SUGP2: variants seen among roughly 807,000 people sequenced by gnomAD.
SUGP2 encodes the protein SURP and G-patch domain containing 2.
In SUGP2, 24 loss-of-function variants were observed where a neutral mutation model predicts 90.5. That is an observed-to-expected ratio of 0.27 (90% CI 0.19 to 0.37). SUGP2 has a LOEUF of 0.37. SUGP2 is among the 10% of genes least tolerant of loss of function. The pLI, the probability that SUGP2 is intolerant of heterozygous loss-of-function variation, is 1.00. For missense variants in SUGP2, 1,233 were observed against 1,363.3 expected, an observed-to-expected ratio of 0.90 and a Z score of 1.51; for synonymous variants, 473 against 513.4, an observed-to-expected ratio of 0.92 and a Z score of 1.06.
In SUGP2 at chr19:18,997,363, T is replaced by G. The variant is rs1196860660; in HGVS notation, c.2992-2083A>C. On this transcript the variant is annotated intron_variant, in intron 8 of 10. Transcript: ENST00000452918. ...AGGGAGGGAGGGAGGAGAGAGCAAGTGCTCCCATAAGGAAGGCCTGGGCCT... is the reference window on the plus strand; with the variant it reads ...AGGGAGGGAGGGAGGAGAGAGCAAGGGCTCCCATAAGGAAGGCCTGGGCCT... Among the ~76,000 whole-genome samples the G allele has an allele frequency of 2.0e-5, 3 of 152,048 alleles. No homozygotes were observed. In the East Asian group the frequency reaches 5.8e-4, roughly 29 times the overall value.
chr19:19,005,839 T>C (rs1189464636), intron 6 of SUGP2, among the ~76,000 whole-genome samples: 1 of 76,090 alleles, frequency 1.3e-5, no homozygotes, highest in Non-Finnish European at 2.4e-5. Flanking sequence ...TATACCAGGC[T>C]AACAAACACA....
intron 4 of SUGP2, 143 bp from the exon 5 acceptor site, chr19:19,010,485 G>T (rs1395760701): frequency 8.4e-7 from 1 of 1,183,930 alleles, no homozygotes; most frequent in African/African-American, 1.5e-5. Flanking sequence ...CTCTACTGAG[G>T]ACCCAGAGCT....
intron 3 of SUGP2, among the ~76,000 whole-genome samples, chr19:19,021,261 T>C (rs1295734375): frequency 6.6e-6 from 1 of 152,106 alleles, no homozygotes; most frequent in South Asian, 2.1e-4. Context: ...GTTTGTTCTG[T>C]AAATGATTGC....
At position 19,002,315 on chromosome 19, in the gene SUGP2, G is replaced by A. The variant is rs201314360; in HGVS notation, c.2930-641C>T. On this transcript the variant is annotated intron_variant, in intron 7 of 10. Transcript: ENST00000452918. The stretch of plus-strand genomic sequence containing the variant: ...GAATAACTTGAACCCGGGAGGCAGA[G>A]GTTGTAGTGAGCCGAGATTGTGCCA... Among the ~76,000 whole-genome samples the A allele has an allele frequency of 3.3e-5, 5 of 151,838 alleles. No individual in the cohort carries two copies. In the East Asian group the frequency reaches 9.8e-4, roughly 30 times the overall value.
chr19:19,033,496 C>A lies in SUGP2; in HGVS notation c.-71G>T. 3 of 1,408,048 alleles carry A rather than the reference C, an allele frequency of 2.1e-6. No individual in the cohort carries two copies. The highest frequency in any genetic ancestry group is 3.4e-5 in the East Asian group (1 of 29,338). The allele number at this position is 1,408,048 out of a possible 1,614,324, so 87.2% of individuals were successfully genotyped here. A position where few individuals can be genotyped will look rare whatever the true frequency, so the allele number is the denominator to read the frequency against. On this transcript the variant is annotated 5_prime_UTR_variant, in exon 1 of 11. Transcript: ENST00000452918. ...CCGCCTCAGGCTCCTCACCCGCCGC[C>A]GCCGCCGCGCGAGGCGGGGACATGC...
chr19:19,032,155 TC>T (rs552099989), intron 1 of SUGP2, among the ~76,000 whole-genome samples: 716 of 69,170 alleles, frequency 0.01, 4 homozygotes, highest in South Asian at 0.017. Context: ...AAGAGATCAA[TC>T]TTTTTTTTTT....
Position 19,024,890 on chromosome 19 carries a change from T to C in SUGP2, c.1458A>G (p.Thr486=), listed in dbSNP as rs781603293. The change falls in exon 3 of 11, where the codon ACA becomes ACG. Residue 486 remains threonine, a synonymous_variant. Transcript: ENST00000452918. ...CRKSLALLGQ[T]FSLASSFRQE... ...GCCGGAAAGAAGAGGCCAAGGAAAA[T>C]GTCTGTCCCAAAAGGGCCAAAGACT... The C allele has an allele frequency of 3.1e-6, 5 of 1,614,140 alleles. No homozygotes were observed. The highest frequency in any genetic ancestry group is 3.3e-5 in the Admixed American group (2 of 60,014).
chr19:19,022,794 G>T (rs1253280043), intron 3 of SUGP2, among the ~76,000 whole-genome samples: 2 of 152,154 alleles, frequency 1.3e-5, no homozygotes, highest in African/African-American at 2.4e-5. Context: ...ACCTGTATGT[G>T]GTGGGACCTA....
At position 19,009,953 on chromosome 19, in the gene SUGP2, TGAG is replaced by T. The variant is rs767935544; in HGVS notation, c.2237_2239del (p.Pro746del). On this transcript the variant is annotated inframe_deletion, in exon 5 of 11. Coordinates refer to ENST00000452918, the MANE Select transcript of SUGP2 (RefSeq NM_001017392.5). Reference sequence around the variant, plus strand: ...GCCTGAGGCTTCTAAGCTGGGGTCCTGAGGAGAAGGTCCAACTGGGTCTGGCGG... The same window carrying T: ...GCCTGAGGCTTCTAAGCTGGGGTCCTGAGAAGGTCCAACTGGGTCTGGCGG... The T allele has an allele frequency of 6.8e-6, 11 of 1,614,046 alleles. No homozygotes were observed. The highest frequency in any genetic ancestry group is 4.4e-5 in the South Asian group (4 of 91,086).
intron 4 of SUGP2, among the ~76,000 whole-genome samples, chr19:19,013,595 T>A (rs1441088786): frequency 6.6e-6 from 1 of 152,204 alleles, no homozygotes; most frequent in Non-Finnish European, 1.5e-5. Context: ...CCCTTGTGCC[T>A]CACATATTTA....
intron 3 of SUGP2, among the ~76,000 whole-genome samples, chr19:19,019,842 A>G (rs1409188409): frequency 6.7e-6 from 1 of 150,176 alleles, no homozygotes; most frequent in African/African-American, 2.4e-5. Context: ...AATTAAAAAA[A>G]AAAAAGAAAA....
chr19:19,007,646 C>T (rs946026810), intron 6 of SUGP2, among the ~76,000 whole-genome samples: 11 of 150,484 alleles, frequency 7.3e-5, no homozygotes, highest in African/African-American at 1.7e-4. Flanking sequence ...AGTATAGAGA[C>T]GGGGTTTCAC....
chr19:19,001,563 A>G (rs2057833992), intron 8 of SUGP2, 50 bp downstream of exon 8: 1 of 1,587,692 alleles, frequency 6.3e-7, no homozygotes, highest in Non-Finnish European at 8.6e-7. Flanking sequence ...AACTCCAACA[A>G]ATTCTAACCA....
At chr19:18,998,306 A>C (rs553156788) in intron 8 of SUGP2, among the ~76,000 whole-genome samples, 2 of 152,336 alleles carry the variant, frequency 1.3e-5, no homozygotes, top group African/African-American at 4.8e-5. Context: ...TTTTGTTTCA[A>C]GACAGGATCT....
At chr19:19,030,670 C>T (rs1019313567) in intron 2 of SUGP2, among the ~76,000 whole-genome samples, 3 of 152,168 alleles carry the variant, frequency 2.0e-5, no homozygotes, top group Non-Finnish European at 4.4e-5. Context: ...CCTATAATCC[C>T]AGCACTCTGG....
At chr19:18,999,837 C>A (rs1024536860) in intron 8 of SUGP2, among the ~76,000 whole-genome samples, 1 of 152,192 alleles carries the variant, frequency 6.6e-6, no homozygotes, top group Admixed American at 6.5e-5. Context: ...AGTGTACCTG[C>A]CCCCTTTCCA....
chr19:18,995,290 G>A lies in SUGP2; in HGVS notation c.2992-10C>T. On this transcript the variant is annotated splice_polypyrimidine_tract_variant and intron_variant, in intron 8 of 10. Coordinates refer to ENST00000452918, the MANE Select transcript of SUGP2 (RefSeq NM_001017392.5). ...CCAAGTCCTTGGGTTTCTGAGGAGAGAGGAGAGTCCAGGCATGTGGGCCAC... is the reference window on the plus strand; with the variant it reads ...CCAAGTCCTTGGGTTTCTGAGGAGAAAGGAGAGTCCAGGCATGTGGGCCAC... 3 of 1,599,312 alleles carry A rather than the reference G, an allele frequency of 1.9e-6. No homozygotes were observed. The highest frequency in any genetic ancestry group is 2.6e-6 in the Non-Finnish European group (3 of 1,172,766).
intron 1 of SUGP2, among the ~76,000 whole-genome samples, chr19:19,031,753 C>T (rs1195534658): frequency 1.3e-5 from 2 of 151,386 alleles, no homozygotes; most frequent in Admixed American, 1.3e-4. Context: ...ACTTAATCCT[C>T]GAAGTAAGGA....
chr19:19,010,506 C>T lies in SUGP2; in HGVS notation c.1851-164G>A, dbSNP rs541072753. On this transcript the variant is annotated intron_variant, in intron 4 of 10. Transcript: ENST00000452918. ...TGAGGACCCAGAGCTAGGCCCAAGA[C>T]AGCTGCCCTGCTAAGAGTGACCACA... Among the ~76,000 whole-genome samples, 46 of 152,314 alleles carry T rather than the reference C, an allele frequency of 3.0e-4. No individual in the cohort carries two copies. In the East Asian group the frequency reaches 5.6e-3, roughly 19 times the overall value.
Sources: gnomAD v4.1 joint callset for allele counts (sites outside exome capture counted in the v4.1 genomes callset) on GRCh38, gnomAD v4.1.1 for gene constraint, MANE v1.5 for transcripts, NCBI Gene and HGNC (gene_info 2026-07-23, HGNC 2026-07-21) for gene names.